Variants in HIPK3 observed in about 807,000 individuals in gnomAD.
HIPK3 encodes homeodomain interacting protein kinase 3.
A neutral mutation model predicts 124.2 loss-of-function variants in HIPK3; 47 were observed. The ratio of observed to expected loss-of-function variants is 0.38; its 90% CI spans 0.30 to 0.48. HIPK3 has a LOEUF of 0.48. Among genes scored for constraint, HIPK3 ranks in the 20% least tolerant of loss-of-function variants. The probability of loss-of-function intolerance (pLI) is 0.98; values close to 1 mark genes in which losing one functional copy is unlikely to be tolerated. For missense variants in HIPK3, 1,286 were observed against 1,454.3 expected, an observed-to-expected ratio of 0.88 and a Z score of 1.88; for synonymous variants, 482 against 515.2, an observed-to-expected ratio of 0.94 and a Z score of 0.87.
chr11:33,261,123 A>G (rs267448), intron 1 of HIPK3, among the ~76,000 whole-genome samples: 1,189 of 79,014 alleles, frequency 0.015, 16 homozygotes, highest in African/African-American at 0.044. Context: ...CATAAAATAT[A>G]TATTATATAT....
At position 33,339,439 on chromosome 11, in the gene HIPK3, G is replaced by A. The variant is rs780923607; in HGVS notation, c.1518G>A (p.Leu506=). Residue 506 remains leucine, a synonymous_variant, in exon 6 of 17, where the codon TTG becomes TTA. Coordinates refer to ENST00000303296, the MANE Select transcript of HIPK3 (RefSeq NM_005734.5). ...REFVSLLKKM[L]LIDADLRITP... Reference sequence around the variant, plus strand: ...TTGTTAGTCTGTTGAAGAAAATGTTGCTGATTGATGCAGATTTAAGAATTA... The same window carrying A: ...TTGTTAGTCTGTTGAAGAAAATGTTACTGATTGATGCAGATTTAAGAATTA... The A allele has an allele frequency of 6.2e-7, 1 of 1,613,116 alleles. No individual in the cohort carries two copies. Among genetic ancestry groups the A allele is most frequent in the Admixed American group, 1.7e-5 (1 of 60,012 alleles).
chr11:33,329,924 C>T (rs1262334503), intron 3 of HIPK3, among the ~76,000 whole-genome samples: 1 of 152,178 alleles, frequency 6.6e-6, no homozygotes, highest in Non-Finnish European at 1.5e-5. Flanking sequence ...TGGAGCAGGA[C>T]ACCCTCTAGT....
chr11:33,338,691 A>G, intron 4 of HIPK3, 66 bp from the exon 5 acceptor site: 1 of 957,428 alleles, frequency 1.0e-6, no homozygotes, highest in Admixed American at 2.0e-5. Flanking sequence ...ATATTAGACT[A>G]AATGTGCCAG....
chr11:33,300,634 T>C (rs1369372223), intron 2 of HIPK3, among the ~76,000 whole-genome samples: 1 of 152,232 alleles, frequency 6.6e-6, no homozygotes, highest in Non-Finnish European at 1.5e-5. Context: ...TGACTCACCT[T>C]ATTGGGGTAT....
At chr11:33,272,791 C>CTTCCTCCTTCCTCCCTCCCTCCT (rs1851167428) in intron 1 of HIPK3, among the ~76,000 whole-genome samples, 2 of 122,952 alleles carry the variant, frequency 1.6e-5, no homozygotes, top group African/African-American at 6.1e-5. Context: ...CCCTCCCTCC[C>CTTCCTCCTTCCTCCCTCCCTCCT]TCCTTCCTTC....
At chr11:33,326,698 G>T (rs1322174391) in intron 2 of HIPK3, among the ~76,000 whole-genome samples, 1 of 150,990 alleles carries the variant, frequency 6.6e-6, no homozygotes, top group Non-Finnish European at 1.5e-5. Context: ...CCGAGACAGA[G>T]CCTGGCTCTG....
chr11:33,285,567 C>CAA (rs10573152), intron 1 of HIPK3, among the ~76,000 whole-genome samples: 13 of 146,450 alleles, frequency 8.9e-5, no homozygotes, highest in South Asian at 2.1e-4. Flanking sequence ...AACTCTGTCT[C>CAA]AAAAAAAAAA....
At position 33,287,302 on chromosome 11, in the gene HIPK3, A is replaced by C; in HGVS notation, c.888A>C (p.Leu296=). ...LKQNKFSPLP[L]KVIRPILQQV... The stretch of plus-strand genomic sequence containing the variant: ...AAAATAAATTTAGTCCCCTGCCACT[A>C]AAAGTGATTCGGCCCATTCTTCAAC... Residue 296 remains leucine, a synonymous_variant, in exon 2 of 17, where the codon CTA becomes CTC. Coordinates refer to ENST00000303296, the MANE Select transcript of HIPK3 (RefSeq NM_005734.5). 1.9e-6 allele frequency: 3 copies of C among 1,614,170 alleles called. No individual in the cohort carries two copies. The highest frequency in any genetic ancestry group is 2.5e-6 in the Non-Finnish European group (3 of 1,180,012).
At chr11:33,308,899 G>A (rs1007198658) in intron 2 of HIPK3, among the ~76,000 whole-genome samples, 1 of 150,912 alleles carries the variant, frequency 6.6e-6, no homozygotes. Flanking sequence ...GTTTCAATCT[G>A]TGTATTTTCA....
intron 3 of HIPK3, 109 bp from the exon 4 acceptor site, chr11:33,336,966 G>A: frequency 1.5e-6 from 1 of 685,410 alleles, no homozygotes; most frequent in South Asian, 2.1e-5. Flanking sequence ...TTTCTTGAGG[G>A]CATAGACTAT....
chr11:33,347,535 G>A, intron 9 of HIPK3, 94 bp from the exon 10 acceptor site: 1 of 1,567,440 alleles, frequency 6.4e-7, no homozygotes, highest in Non-Finnish European at 8.7e-7. Context: ...ATAATTGTTA[G>A]CTGTTACTTT....
At chr11:33,276,685 T>G (rs940377179) in intron 1 of HIPK3, among the ~76,000 whole-genome samples, 6 of 152,116 alleles carry the variant, frequency 3.9e-5, no homozygotes, top group Non-Finnish European at 7.4e-5. Context: ...TGATCGTATT[T>G]TTGTAATTTT....
chr11:33,330,801 T>A (rs1266085277), intron 3 of HIPK3, among the ~76,000 whole-genome samples: 1 of 152,132 alleles, frequency 6.6e-6, no homozygotes, highest in Non-Finnish European at 1.5e-5. Flanking sequence ...TTTTTTTCCC[T>A]ATCAGTCTTA....
At chr11:33,269,026 G>A (rs371613935) in intron 1 of HIPK3, among the ~76,000 whole-genome samples, 2 of 152,134 alleles carry the variant, frequency 1.3e-5, no homozygotes, top group Non-Finnish European at 2.9e-5. Context: ...GTTCCCTAAA[G>A]TGTATAATAG....
intron 2 of HIPK3, among the ~76,000 whole-genome samples, chr11:33,311,859 CACACACACACT>C (rs1385158046): frequency 1.3e-5 from 2 of 148,258 alleles, no homozygotes; most frequent in East Asian, 2.0e-4. Context: ...CACACACACA[CACACACACACT>C]ACACACACAC....
At chr11:33,305,439 T>C (rs1852128921) in intron 2 of HIPK3, among the ~76,000 whole-genome samples, 1 of 152,228 alleles carries the variant, frequency 6.6e-6, no homozygotes, top group Non-Finnish European at 1.5e-5. Flanking sequence ...CATGAAATAA[T>C]GATATTTACT....
intron 1 of HIPK3, among the ~76,000 whole-genome samples, chr11:33,264,314 T>C (rs1490030469): frequency 6.6e-6 from 1 of 152,230 alleles, no homozygotes; most frequent in Non-Finnish European, 1.5e-5. Flanking sequence ...CGCAAAGGAT[T>C]GCCAAGGCTG....
At chr11:33,291,265 A>C (rs556945841) in intron 2 of HIPK3, among the ~76,000 whole-genome samples, 1 of 152,322 alleles carries the variant, frequency 6.6e-6, no homozygotes, top group African/African-American at 2.4e-5. Flanking sequence ...AAAGTGTCTT[A>C]TACTTGATTT....
intron 2 of HIPK3, among the ~76,000 whole-genome samples, chr11:33,311,689 C>G (rs1482168171): frequency 6.6e-6 from 1 of 152,092 alleles, no homozygotes; most frequent in Non-Finnish European, 1.5e-5. Flanking sequence ...AGAAAACACA[C>G]CCTTTTTTGT....
Sources: gnomAD v4.1 joint callset for allele counts (sites outside exome capture counted in the v4.1 genomes callset) on GRCh38, gnomAD v4.1.1 for gene constraint, MANE v1.5 for transcripts, NCBI Gene and HGNC (gene_info 2026-07-23, HGNC 2026-07-21) for gene names.